Variants in ITSN1 observed in about 807,000 individuals in gnomAD.
The protein encoded by ITSN1 is intersectin 1, also known as intersectin-1.
ITSN1 carries 58 observed loss-of-function variants against 239.8 expected under a neutral mutation model. That is an observed-to-expected ratio of 0.24 (90% CI 0.20 to 0.30). The LOEUF is 0.30. Ranked by LOEUF, ITSN1 falls within the 10% of genes least tolerant of loss-of-function variation. ITSN1 has a pLI of 1.00. For synonymous variants in ITSN1, 780 were observed against 770.8 expected (o/e 1.01, Z -0.20); for missense variants, 1,558 against 2,103.3 (o/e 0.74, Z 5.07).
chr21:33,833,061 C>G (rs892054407), intron 27 of ITSN1, among the ~76,000 whole-genome samples: 2 of 151,834 alleles, frequency 1.3e-5, no homozygotes, highest in East Asian at 3.9e-4. Flanking sequence ...TTTGGGTTCT[C>G]TTTTCTTGGT....
intron 19 of ITSN1, among the ~76,000 whole-genome samples, chr21:33,801,489 G>A (rs947760660): frequency 6.6e-6 from 1 of 151,858 alleles, no homozygotes; most frequent in South Asian, 2.1e-4. Flanking sequence ...TTGAGACAGG[G>A]TCTCACTCTG....
At position 33,886,426 on chromosome 21, in the gene ITSN1, C is replaced by G. The variant is rs1429626537; in HGVS notation, c.4983C>G (p.Ile1661Met). ...ACCTGGAGCAGGAAGTCCTCTGCAT[C>G]ACTGTGTTCGAGAGGGACCAGTTCT... ...IRDLEQEVLC[I>M]TVFERDQFSP... is the part of the protein sequence containing the mutation. Residue 1661 changes from isoleucine to methionine, a missense_variant, in exon 39 of 40, where the codon ATC (isoleucine) becomes ATG (methionine). This residue lies in a region of ITSN1 where 576 missense variants were observed against 893.3 expected (regional missense o/e 0.64). Transcript: ENST00000381318. 6.2e-7 allele frequency: 1 copy of G among 1,610,358 alleles called. No individual in the cohort carries two copies. Among genetic ancestry groups the G allele is most frequent in the Non-Finnish European group, 8.5e-7 (1 of 1,178,148 alleles).
intron 4 of ITSN1, among the ~76,000 whole-genome samples, chr21:33,728,296 G>A (rs1214153449): frequency 6.7e-6 from 1 of 150,286 alleles, no homozygotes; most frequent in Non-Finnish European, 1.5e-5. Context: ...GCAGTGGTGC[G>A]ATCTCAGCTC....
At chr21:33,807,779 AG>A (rs1431134292) in intron 20 of ITSN1, among the ~76,000 whole-genome samples, 1 of 152,244 alleles carries the variant, frequency 6.6e-6, no homozygotes, top group Non-Finnish European at 1.5e-5. Flanking sequence ...GAGCCCCTAA[AG>A]GATTGCTTAT....
intron 1 of ITSN1, among the ~76,000 whole-genome samples, chr21:33,713,288 G>A (rs1020263685): frequency 1.2e-4 from 18 of 152,054 alleles, no homozygotes; most frequent in African/African-American, 3.1e-4. Context: ...CTCCCAGGCT[G>A]GAGTGCGGTG....
chr21:33,730,385 G>GTTTT (rs2066097187), intron 4 of ITSN1, among the ~76,000 whole-genome samples: 2 of 75,840 alleles, frequency 2.6e-5, no homozygotes, highest in African/African-American at 4.8e-5. Flanking sequence ...AATGCTCTCT[G>GTTTT]TTCTTTTTTT....
chr21:33,752,396 G>T lies in ITSN1; in HGVS notation c.623+490G>T, dbSNP rs540723689. ...TATTAAAGACGATTTATTATGAAAA[G>T]AATTATCCAGATAGTGGACAATTCA... On this transcript the variant is annotated intron_variant, in intron 7 of 39. Coordinates refer to ENST00000381318, the MANE Select transcript of ITSN1 (RefSeq NM_003024.3). Among the ~76,000 whole-genome samples the T allele has an allele frequency of 4.6e-5, 7 of 152,228 alleles. No homozygotes were observed. In the South Asian group the frequency reaches 1.0e-3, roughly 23 times the overall value.
chr21:33,828,425 A>G (rs1262082171), intron 26 of ITSN1, among the ~76,000 whole-genome samples: 1 of 152,196 alleles, frequency 6.6e-6, no homozygotes, highest in Non-Finnish European at 1.5e-5. Flanking sequence ...AGCATCAGGC[A>G]GGGCCAGGCC....
rs369283779 is a variant in ITSN1, at chr21:33,888,221, C to T, written c.5087C>T (p.Thr1696Met). 6.3e-5 allele frequency: 102 copies of T among 1,614,026 alleles called. No homozygotes were observed. Among genetic ancestry groups the T allele is most frequent in the Non-Finnish European group, 8.1e-5 (96 of 1,180,032 alleles). ...KKDQGSKGPV[T>M]KCLLLHEVPT... The stretch of plus-strand genomic sequence containing the variant: ...GACCAGGGCTCCAAAGGTCCAGTTA[C>T]GAAGTGTCTTCTGCTGCACGAAGTC... The change falls in exon 40 of 40, where the codon ACG becomes ATG. Residue 1696 changes from threonine (T) to methionine (M), a missense_variant. Thr to Met is a moderately conservative substitution (Grantham distance 81). Around this residue, in one of 2 missense-constraint regions of ITSN1, gnomAD observed 576 missense variants for 893.3 expected, o/e 0.64. Coordinates refer to ENST00000381318, the MANE Select transcript of ITSN1 (RefSeq NM_003024.3).
At chr21:33,824,489 C>T (rs1446621632) in intron 25 of ITSN1, among the ~76,000 whole-genome samples, 1 of 151,756 alleles carries the variant, frequency 6.6e-6, no homozygotes, top group African/African-American at 2.4e-5. Context: ...TTTTCTTTTT[C>T]TCCTCATACC....
At chr21:33,835,914 G>C (rs1017445692) in intron 28 of ITSN1, among the ~76,000 whole-genome samples, 3 of 152,234 alleles carry the variant, frequency 2.0e-5, no homozygotes, top group Non-Finnish European at 2.9e-5. Context: ...GTGGGCAACA[G>C]AGCGAGGCTC....
chr21:33,644,600 G>C (rs1450367710), intron 1 of ITSN1, among the ~76,000 whole-genome samples: 1 of 151,900 alleles, frequency 6.6e-6, no homozygotes, highest in Admixed American at 6.6e-5. Context: ...TGTGAAATAG[G>C]GCATAAAATG....
At chr21:33,656,879 T>G (rs1401947200) in intron 1 of ITSN1, among the ~76,000 whole-genome samples, 1 of 152,010 alleles carries the variant, frequency 6.6e-6, no homozygotes, top group Non-Finnish European at 1.5e-5. Context: ...CCTGGCTAAT[T>G]TTTTGCATTT....
At chr21:33,844,351 G>A (rs1207617800) in intron 29 of ITSN1, among the ~76,000 whole-genome samples, 2 of 152,206 alleles carry the variant, frequency 1.3e-5, no homozygotes, top group Non-Finnish European at 2.9e-5. Flanking sequence ...GCTTTTAAAT[G>A]TCACGTCTGG....
chr21:33,718,924 C>A, intron 2 of ITSN1, 68 bp downstream of exon 2: 1 of 1,210,844 alleles, frequency 8.3e-7, no homozygotes, highest in Non-Finnish European at 1.2e-6. Flanking sequence ...GATATTATGG[C>A]AAATTTAAAA....
chr21:33,671,061 G>A (rs2090243558), intron 1 of ITSN1, among the ~76,000 whole-genome samples: 1 of 152,138 alleles, frequency 6.6e-6, no homozygotes, highest in African/African-American at 2.4e-5. Flanking sequence ...TTATACATGG[G>A]GTTTTCCCCT....
intron 14 of ITSN1, among the ~76,000 whole-genome samples, chr21:33,779,032 A>C (rs572221611): frequency 1.4e-5 from 2 of 147,298 alleles, no homozygotes; most frequent in Non-Finnish European, 1.5e-5. Flanking sequence ...CTCCTACTCT[A>C]TCTCTCCTCC....
At chr21:33,695,641 G>A (rs186426934) in intron 1 of ITSN1, among the ~76,000 whole-genome samples, 99 of 152,246 alleles carry the variant, frequency 6.5e-4, no homozygotes, top group Non-Finnish European at 2.8e-4. Flanking sequence ...AGTATAAGTG[G>A]GCCTTTAGAA....
intron 16 of ITSN1, 127 bp from the exon 17 acceptor site, chr21:33,794,214 T>C: frequency 1.4e-6 from 1 of 699,764 alleles, no homozygotes; most frequent in Non-Finnish European, 2.4e-6. Context: ...AAGTTGACTT[T>C]TTCCAACTCT....
Sources: gnomAD v4.1 joint callset for allele counts (sites outside exome capture counted in the v4.1 genomes callset) on GRCh38, gnomAD v4.1.1 for gene constraint, gnomAD v4.1.1 regional missense constraint, MANE v1.5 for transcripts, NCBI Gene and HGNC (gene_info 2026-07-23, HGNC 2026-07-21) for gene names.